Variants in FILIP1L observed in about 807,000 individuals in gnomAD.
FILIP1L encodes filamin A-interacting protein 1-like.
FILIP1L carries 55 observed loss-of-function variants against 96.6 expected under a neutral mutation model. The ratio of observed to expected loss-of-function variants is 0.57; its 90% CI spans 0.46 to 0.71. The LOEUF (loss-of-function observed/expected upper bound fraction) is 0.71. Ranked by LOEUF, FILIP1L falls within the 30% of genes least tolerant of loss-of-function variation. The pLI is 0.00. For missense variants in FILIP1L, 1,304 were observed against 1,321.2 expected, an observed-to-expected ratio of 0.99 and a Z score of 0.20; for synonymous variants, 467 against 473.9, an observed-to-expected ratio of 0.99 and a Z score of 0.19.
chr3:99,887,593 G>A (rs1705949154), intron 4 of FILIP1L, among the ~76,000 whole-genome samples: 2 of 152,200 alleles, frequency 1.3e-5, no homozygotes. Flanking sequence ...AGCAGCTTTT[G>A]AGCAGTTGAA....
intron 1 of FILIP1L, chr3:99,964,201 G>A (rs566466577): frequency 3.3e-5 from 5 of 152,172 alleles, no homozygotes; most frequent in East Asian, 2.0e-4. Context: ...AATCCATTAC[G>A]CTTCAGTTAG....
chr3:99,973,037 C>T (rs776880614), intron 1 of FILIP1L, among the ~76,000 whole-genome samples: 5 of 152,146 alleles, frequency 3.3e-5, no homozygotes, highest in Non-Finnish European at 7.3e-5. Flanking sequence ...CCCCTTTTAT[C>T]TGTTCACAAA....
intron 4 of FILIP1L, among the ~76,000 whole-genome samples, chr3:99,887,138 GCGTGC>G (rs986024929): frequency 6.6e-6 from 1 of 151,648 alleles, no homozygotes; most frequent in Admixed American, 6.6e-5. Context: ...GGGCATGGTG[GCGTGC>G]CTGTAATCCC....
intron 1 of FILIP1L, among the ~76,000 whole-genome samples, chr3:100,098,378 C>G (rs903424166): frequency 6.6e-6 from 1 of 152,184 alleles, no homozygotes. Flanking sequence ...AGTTACTGAA[C>G]TTCTCTCAGG....
chr3:99,875,532 A>T (rs902056161), intron 4 of FILIP1L, among the ~76,000 whole-genome samples: 3 of 152,216 alleles, frequency 2.0e-5, no homozygotes, highest in African/African-American at 7.2e-5. Flanking sequence ...TAGCGTTTGT[A>T]CGATTTTTTG....
At chr3:100,095,458 A>T (rs966117118) in intron 1 of FILIP1L, among the ~76,000 whole-genome samples, 10 of 152,206 alleles carry the variant, frequency 6.6e-5, no homozygotes, top group African/African-American at 2.4e-4. Flanking sequence ...ATACATATTT[A>T]AAAACAATAT....
chr3:99,860,266 T>TA (rs2107552060), intron 4 of FILIP1L, among the ~76,000 whole-genome samples: 1 of 152,294 alleles, frequency 6.6e-6, no homozygotes, highest in Non-Finnish European at 1.5e-5. Context: ...GGTATACTGT[T>TA]AGTCATTACT....
At chr3:100,113,913 C>T (rs183388070) in intron 1 of FILIP1L, 140 bp downstream of exon 1, 1 of 152,264 alleles carries the variant, frequency 6.6e-6, no homozygotes, top group East Asian at 1.9e-4. Context: ...CTGTCATAAG[C>T]TCTTAATCAT....
At chr3:99,975,953 T>C (rs1708957484) in intron 1 of FILIP1L, among the ~76,000 whole-genome samples, 1 of 152,164 alleles carries the variant, frequency 6.6e-6, no homozygotes, top group East Asian at 1.9e-4. Context: ...GGCACCATCT[T>C]GGCTCACTGC....
chr3:100,106,034 A>G (rs1046820892), intron 1 of FILIP1L, among the ~76,000 whole-genome samples: 1 of 152,120 alleles, frequency 6.6e-6, no homozygotes, highest in African/African-American at 2.4e-5. Flanking sequence ...CAGACAGATT[A>G]TACCTCCTAG....
chr3:100,037,523 A>G (rs566851971), intron 1 of FILIP1L, among the ~76,000 whole-genome samples: 48 of 152,290 alleles, frequency 3.2e-4, no homozygotes, highest in African/African-American at 1.2e-3. Flanking sequence ...AAATCTGAAA[A>G]TCATACCCTA....
At chr3:99,832,231 C>CT (rs577849748) in intron 5 of FILIP1L, among the ~76,000 whole-genome samples, 3,975 of 138,140 alleles carry the variant, frequency 0.029, 146 homozygotes, top group African/African-American at 0.075. Flanking sequence ...ATTCCTAAAT[C>CT]TTTTTTTTTT....
chr3:100,086,104 G>C (rs1167526983), intron 1 of FILIP1L, among the ~76,000 whole-genome samples: 1 of 152,190 alleles, frequency 6.6e-6, no homozygotes, highest in East Asian at 1.9e-4. Context: ...AGCTTTTAAT[G>C]AAATAAACAT....
At position 100,101,070 on chromosome 3, in the gene FILIP1L, C is replaced by T. The variant is rs115305917; in HGVS notation, c.-11+12983G>A. Among the ~76,000 whole-genome samples, 931 of 152,192 alleles carry T rather than the reference C, an allele frequency of 6.1e-3. 6 individuals are homozygous for T. Among genetic ancestry groups the T allele is most frequent in the African/African-American group, 0.018 (738 of 41,524 alleles). On this transcript the variant is annotated intron_variant, in intron 1 of 5. Coordinates refer to ENST00000477258, the MANE Select transcript of FILIP1L (RefSeq NM_001387850.1). ...TTGGAGTACCTTGACCACTTTTGTA[C>T]CTGGGGGCCTCTGGAGCTGGGTGGT...
At chr3:99,946,017 T>C (rs181215142) in intron 1 of FILIP1L, among the ~76,000 whole-genome samples, 167 of 152,350 alleles carry the variant, frequency 1.1e-3, no homozygotes, top group Non-Finnish European at 1.9e-3. Context: ...TTGGTAGATG[T>C]ATTTCTAGTA....
At chr3:100,006,546 T>C (rs1207344382) in intron 1 of FILIP1L, among the ~76,000 whole-genome samples, 2 of 152,152 alleles carry the variant, frequency 1.3e-5, no homozygotes, top group African/African-American at 2.4e-5. Flanking sequence ...TCATGAAGGC[T>C]ATCATTCAAA....
intron 1 of FILIP1L, among the ~76,000 whole-genome samples, chr3:100,027,488 T>G (rs2107249786): frequency 6.6e-6 from 1 of 152,290 alleles, no homozygotes; most frequent in Non-Finnish European, 1.5e-5. Flanking sequence ...CCTTGTAGCT[T>G]GGGAACAGAC....
intron 1 of FILIP1L, among the ~76,000 whole-genome samples, chr3:100,075,886 G>C (rs34922392): frequency 6.6e-6 from 1 of 151,932 alleles, no homozygotes; most frequent in African/African-American, 2.4e-5. Context: ...TAATCCTTCT[G>C]GGGTATTAGG....
At chr3:99,964,069 T>A (rs1410660402) in intron 1 of FILIP1L, among the ~76,000 whole-genome samples, 2 of 152,058 alleles carry the variant, frequency 1.3e-5, no homozygotes, top group Non-Finnish European at 2.9e-5. Context: ...TAATAATTGT[T>A]ATGTGATTAA....
Sources: gnomAD v4.1 joint callset for allele counts (sites outside exome capture counted in the v4.1 genomes callset) on GRCh38, gnomAD v4.1.1 for gene constraint, MANE v1.5 for transcripts, NCBI Gene and HGNC (gene_info 2026-07-23, HGNC 2026-07-21) for gene names.